SUCLG2: variants seen among roughly 807,000 people sequenced by gnomAD.
The protein encoded by SUCLG2 is succinate-CoA ligase GDP-forming subunit beta.
In SUCLG2, 42 loss-of-function variants were observed where a neutral mutation model predicts 47.9. That is an observed-to-expected ratio of 0.88 (90% CI 0.69 to 1.14). The LOEUF is 1.14. Ranked by LOEUF, SUCLG2 falls within the 50% of genes most tolerant of loss-of-function variation. The pLI is 0.00. For missense variants in SUCLG2, 571 were observed against 525.9 expected (o/e 1.09, Z -0.84); for synonymous variants, 195 against 197.3 (o/e 0.99, Z 0.10).
chr3:67,376,226 T>C, intron 10 of SUCLG2: 2 of 985,416 alleles, frequency 2.0e-6, no homozygotes, highest in Non-Finnish European at 2.4e-6. Flanking sequence ...TGTGACCTGA[T>C]TTGAGAAAGG....
intron 1 of SUCLG2, among the ~76,000 whole-genome samples, chr3:67,624,763 A>G (rs1398332695): frequency 6.6e-6 from 1 of 152,208 alleles, no homozygotes; most frequent in Non-Finnish European, 1.5e-5. Flanking sequence ...AGAAAACTAG[A>G]TATCATGAAA....
chr3:67,388,657 T>C (rs1702310147), intron 10 of SUCLG2, among the ~76,000 whole-genome samples: 1 of 152,212 alleles, frequency 6.6e-6, no homozygotes, highest in Non-Finnish European at 1.5e-5. Context: ...ATCAAGCCAA[T>C]GCTTTTTAGA....
chr3:67,623,742 C>G (rs1398259021), intron 1 of SUCLG2, among the ~76,000 whole-genome samples: 1 of 152,194 alleles, frequency 6.6e-6, no homozygotes, highest in Non-Finnish European at 1.5e-5. Context: ...AGAGGAACAA[C>G]AGCAGTGTTT....
intron 7 of SUCLG2, among the ~76,000 whole-genome samples, chr3:67,499,118 A>G (rs1195863330): frequency 6.6e-6 from 1 of 152,224 alleles, no homozygotes; most frequent in Admixed American, 6.5e-5. Context: ...TTTGATATAC[A>G]TATAACACAG....
chr3:67,497,826 G>C (rs186446892), intron 8 of SUCLG2, among the ~76,000 whole-genome samples: 4 of 152,200 alleles, frequency 2.6e-5, no homozygotes, highest in African/African-American at 9.6e-5. Flanking sequence ...GGGTTTATTT[G>C]TCTTCACAAG....
chr3:67,566,867 T>C (rs1365486932), intron 2 of SUCLG2, among the ~76,000 whole-genome samples: 4 of 152,348 alleles, frequency 2.6e-5, no homozygotes, highest in East Asian at 3.9e-4. Context: ...TGCCTCATAA[T>C]TGCAGTATGT....
intron 9 of SUCLG2, among the ~76,000 whole-genome samples, chr3:67,493,321 G>A (rs941344936): frequency 6.6e-6 from 1 of 152,134 alleles, no homozygotes; most frequent in African/African-American, 2.4e-5. Context: ...ACTGTGAGAT[G>A]AGCTGTGCAT....
intron 9 of SUCLG2, among the ~76,000 whole-genome samples, chr3:67,477,417 G>A (rs1257651408): frequency 6.6e-6 from 1 of 152,202 alleles, no homozygotes; most frequent in Non-Finnish European, 1.5e-5. Context: ...GTGAGAGGCT[G>A]GGTGTGGTTG....
chr3:67,517,169 G>A (rs975298535), intron 6 of SUCLG2, among the ~76,000 whole-genome samples: 1 of 152,142 alleles, frequency 6.6e-6, no homozygotes, highest in Non-Finnish European at 1.5e-5. Context: ...CTTTCAAAGT[G>A]AGCCTTTATT....
At chr3:67,509,599 CAG>C (rs1575743569) in intron 6 of SUCLG2, among the ~76,000 whole-genome samples, 3 of 152,194 alleles carry the variant, frequency 2.0e-5, no homozygotes, top group African/African-American at 7.2e-5. Flanking sequence ...GCCTATGACA[CAG>C]CAAGCTGGTA....
chr3:67,408,880 C>A, intron 9 of SUCLG2: 3 of 1,469,282 alleles, frequency 2.0e-6, no homozygotes, highest in Non-Finnish European at 1.8e-6. Flanking sequence ...AGTCCATGTT[C>A]GTTCCACTCC....
At chr3:67,401,761 A>G (rs1363327914) in intron 9 of SUCLG2, among the ~76,000 whole-genome samples, 1 of 152,156 alleles carries the variant, frequency 6.6e-6, no homozygotes, top group Non-Finnish European at 1.5e-5. Context: ...TAGAGTCACA[A>G]TTAAATTATG....
chr3:67,560,720 T>C (rs80012150), intron 2 of SUCLG2, among the ~76,000 whole-genome samples: 1,612 of 152,144 alleles, frequency 0.011, 22 homozygotes, highest in East Asian at 0.051. Context: ...GAGAACCTCA[T>C]CTGCTTTTCT....
At chr3:67,564,382 C>A (rs1707397699) in intron 2 of SUCLG2, among the ~76,000 whole-genome samples, 1 of 152,190 alleles carries the variant, frequency 6.6e-6, no homozygotes, top group African/African-American at 2.4e-5. Context: ...CTTAGACTTT[C>A]AGCAACCTGC....
At chr3:67,385,003 T>C (rs759218554) in intron 10 of SUCLG2, among the ~76,000 whole-genome samples, 13 of 152,224 alleles carry the variant, frequency 8.5e-5, no homozygotes, top group Non-Finnish European at 1.8e-4. Context: ...CGGGACACAC[T>C]TAGCGTCTAT....
intron 2 of SUCLG2, among the ~76,000 whole-genome samples, chr3:67,565,418 C>T (rs1337555039): frequency 6.6e-6 from 1 of 152,006 alleles, no homozygotes; most frequent in African/African-American, 2.4e-5. Flanking sequence ...TCAGTCTTAC[C>T]CCAACTGTAT....
chr3:67,547,234 A>T (rs1437604972), intron 2 of SUCLG2, among the ~76,000 whole-genome samples: 1 of 152,148 alleles, frequency 6.6e-6, no homozygotes, highest in African/African-American at 2.4e-5. Flanking sequence ...AGGAGAAAGC[A>T]GGCTCGCCTC....
At chr3:67,615,517 G>A (rs1295659290) in intron 1 of SUCLG2, among the ~76,000 whole-genome samples, 4 of 151,950 alleles carry the variant, frequency 2.6e-5, no homozygotes, top group Admixed American at 2.6e-4. Context: ...ATTAGAAAGA[G>A]CCCAGGACTT....
intron 2 of SUCLG2, among the ~76,000 whole-genome samples, chr3:67,542,946 A>G (rs1035515607): frequency 6.6e-6 from 1 of 152,212 alleles, no homozygotes; most frequent in African/African-American, 2.4e-5. Flanking sequence ...CAGGACTTGA[A>G]CTCAGCTTTG....
Sources: gnomAD v4.1 joint callset for allele counts (sites outside exome capture counted in the v4.1 genomes callset) on GRCh38, gnomAD v4.1.1 for gene constraint, MANE v1.5 for transcripts, NCBI Gene and HGNC (gene_info 2026-07-23, HGNC 2026-07-21) for gene names.